The following RYR1 variants were observed in gnomAD, a reference collection of about 807,000 sequenced individuals.
The protein encoded by RYR1 is central core disease of muscle.
RYR1 carries 342 observed loss-of-function variants against 583.5 expected under a neutral mutation model. The observed-to-expected ratio is 0.59, with a 90% CI of 0.54 to 0.64. The LOEUF is 0.64. Ranked by LOEUF, RYR1 falls within the 30% of genes least tolerant of loss-of-function variation. The pLI is 0.00. For synonymous variants in RYR1, 2,791 were observed against 2,822.5 expected (o/e 0.99, Z 0.35); for missense variants, 6,032 against 6,917.2 (o/e 0.87, Z 4.54).
intron 60 of RYR1, among the ~76,000 whole-genome samples, 163 bp from the exon 61 acceptor site, chr19:38,511,398 G>A (rs1970718196): frequency 1.3e-5 from 2 of 151,808 alleles, no homozygotes; most frequent in Non-Finnish European, 2.9e-5. Context: ...CCATCTCTCT[G>A]CCCCTTCCCA....
intron 94 of RYR1, 121 bp downstream of exon 94, chr19:38,570,814 C>T (rs1391737440): frequency 4.6e-6 from 4 of 875,452 alleles, no homozygotes; most frequent in Non-Finnish European, 5.7e-6. Context: ...GGCTTTGGGT[C>T]GTTAGGAGGG....
rs1020398192 is a variant in RYR1 at position 38,502,617 on chromosome 19, C to G, written c.7725C>G (p.Arg2575=). The part of the protein sequence containing the change: ...CAPLFAGTEH[R]AIMVDSMLHT... ...CGCTCTTTGCGGGCACAGAACACCG[C>G]GCCATCATGGTGGACTCTATGCTGC... The change falls in exon 48 of 106, where the codon CGC becomes CGG. Residue 2575 remains arginine (R), a synonymous_variant. Transcript: ENST00000359596. The G allele has an allele frequency of 1.2e-6, 2 of 1,613,122 alleles. No homozygotes were observed. Among genetic ancestry groups the G allele is most frequent in the Non-Finnish European group, 1.7e-6 (2 of 1,179,918 alleles).
chr19:38,557,520 T>A (rs143825366), intron 89 of RYR1, among the ~76,000 whole-genome samples: 1 of 152,244 alleles, frequency 6.6e-6, no homozygotes, highest in East Asian at 1.9e-4. Flanking sequence ...AGATACCATA[T>A]GACTCAGCGA....
chr19:38,539,463 C>T (rs1287136568), intron 84 of RYR1, among the ~76,000 whole-genome samples: 2 of 151,950 alleles, frequency 1.3e-5, no homozygotes, highest in African/African-American at 4.8e-5. Context: ...ATCTCAAACT[C>T]CTGGATTCAA....
At chr19:38,580,335 A>G (rs778132275) in intron 100 of RYR1, 35 bp from the exon 101 acceptor site, 1 of 1,612,504 alleles carries the variant, frequency 6.2e-7, no homozygotes, top group South Asian at 1.1e-5. Context: ...GGGCAAGCCC[A>G]GGGCGGAGCT....
chr19:38,511,299 AAAAT>A (rs1197506813), intron 60 of RYR1, among the ~76,000 whole-genome samples: 1 of 152,040 alleles, frequency 6.6e-6, no homozygotes, highest in Admixed American at 6.5e-5. Context: ...CTGTCTAAAA[AAAAT>A]AAACAAACAA....
Position 38,528,983 on chromosome 19 carries a change from G to A in RYR1, c.11067G>A (p.Glu3689=). Residue 3689 remains glutamate (E), a synonymous_variant, in exon 76 of 106, where the codon GAG becomes GAA. Coordinates refer to ENST00000359596, the MANE Select transcript of RYR1 (RefSeq NM_000540.3). ...GGGAGCAGGAGGAGGAGGAGGAAGAGGTGGAAGAGAAGAAGCCAGACCCCC... is the reference window on the plus strand; with the variant it reads ...GGGAGCAGGAGGAGGAGGAGGAAGAAGTGGAAGAGAAGAAGCCAGACCCCC... ...KAGEQEEEEE[E]VEEKKPDPLH... 1.2e-6 allele frequency: 2 copies of A among 1,612,834 alleles called. No individual in the cohort carries two copies. Among genetic ancestry groups the A allele is most frequent in the East Asian group, 4.5e-5 (2 of 44,848 alleles).
intron 39 of RYR1, among the ~76,000 whole-genome samples, chr19:38,495,824 G>A (rs1031488351): frequency 2.6e-5 from 4 of 151,862 alleles, no homozygotes; most frequent in East Asian, 1.9e-4. Context: ...CCTGGAGTGC[G>A]CAATGTCTGC....
chr19:38,546,390 C>G, intron 87 of RYR1, 55 bp from the exon 88 acceptor site: 1 of 1,493,474 alleles, frequency 6.7e-7, no homozygotes, highest in Non-Finnish European at 9.3e-7. Flanking sequence ...GGAGAAGCAA[C>G]AGAGGTGGGG....
At chr19:38,558,427 C>A (rs978859129) in intron 89 of RYR1, among the ~76,000 whole-genome samples, 2 of 152,202 alleles carry the variant, frequency 1.3e-5, no homozygotes, top group Admixed American at 1.3e-4. Context: ...GTACGTATTG[C>A]ATGCCTATAT....
At position 38,489,269 on chromosome 19, in the gene RYR1, G is replaced by A. The variant is rs146875363; in HGVS notation, c.5640G>A (p.Glu1880=). 3.7e-5 allele frequency: 59 copies of A among 1,610,126 alleles called. No homozygotes were observed. The highest frequency in any genetic ancestry group is 4.7e-5 in the Non-Finnish European group (55 of 1,176,640). The change falls in exon 35 of 106, where the codon GAG becomes GAA. Residue 1880 remains glutamate, a synonymous_variant. Coordinates refer to ENST00000359596, the MANE Select transcript of RYR1 (RefSeq NM_000540.3). ...VFTEEEEEED[E]EEEGEEEDEE... is the part of the protein sequence containing the mutation. ...CTGAGGAAGAAGAGGAGGAGGACGA[G>A]GAGGAAGAGGGTGAAGAGGAAGATG...
intron 31 of RYR1, among the ~76,000 whole-genome samples, chr19:38,479,980 A>G (rs1265372081): frequency 3.3e-5 from 5 of 151,982 alleles, no homozygotes; most frequent in Non-Finnish European, 7.4e-5. Flanking sequence ...TCAGCCTCCC[A>G]AAGTGCTGGG....
At position 38,440,735 on chromosome 19, in the gene RYR1, G is replaced by C; in HGVS notation, c.46-10G>C. On this transcript the variant is annotated splice_polypyrimidine_tract_variant and intron_variant, in intron 1 of 105. Transcript: ENST00000359596. ...GGCCCCCCTGGAGACGCTGCCCCTC[G>C]GTTCCGCAGGACGATGAGGTGGTCC... 1 of 1,604,526 alleles carries C rather than the reference G, an allele frequency of 6.2e-7. No individual in the cohort carries two copies. The highest frequency in any genetic ancestry group is 8.5e-7 in the Non-Finnish European group (1 of 1,174,636).
At position 38,443,572 on chromosome 19, in the gene RYR1, G is replaced by C. The variant is rs1288390722; in HGVS notation, c.285G>C (p.Gly95=). 6.2e-7 allele frequency: 1 copy of C among 1,613,922 alleles called. No homozygotes were observed. Among genetic ancestry groups the C allele is most frequent in the African/African-American group, 1.3e-5 (1 of 74,888 alleles). ...VEAGVESSQG[G]GHRTLLYGHA... Reference sequence around the variant, plus strand: ...TCCCCCTGCAGTCATCCCAGGGCGGGGGACACAGGACGCTCCTGTATGGCC... The same window carrying C: ...TCCCCCTGCAGTCATCCCAGGGCGGCGGACACAGGACGCTCCTGTATGGCC... Residue 95 remains glycine, a synonymous_variant, in exon 4 of 106, where the codon GGG becomes GGC. Transcript: ENST00000359596.
chr19:38,569,444 G>A (rs1338702987), intron 93 of RYR1, among the ~76,000 whole-genome samples: 2 of 151,808 alleles, frequency 1.3e-5, no homozygotes, highest in East Asian at 3.9e-4. Context: ...GGTCCCAGCT[G>A]TTCAGGAGGC....
At chr19:38,474,231 C>T (rs1968592143) in intron 28 of RYR1, among the ~76,000 whole-genome samples, 1 of 152,078 alleles carries the variant, frequency 6.6e-6, no homozygotes, top group Non-Finnish European at 1.5e-5. Context: ...ACTAAATCTG[C>T]TTTTTCCCTA....
intron 13 of RYR1, among the ~76,000 whole-genome samples, chr19:38,454,507 T>C (rs1188437570): frequency 1.3e-5 from 2 of 152,236 alleles, no homozygotes; most frequent in Non-Finnish European, 2.9e-5. Context: ...TGGCTGTGAA[T>C]TTAATGTTAA....
chr19:38,476,609 A>G (rs534391389), intron 29 of RYR1, among the ~76,000 whole-genome samples: 2 of 152,236 alleles, frequency 1.3e-5, no homozygotes, highest in South Asian at 4.1e-4. Flanking sequence ...CTGGGATTAC[A>G]GGTGTGAGCC....
In RYR1 at chr19:38,446,498, C is replaced by T. The variant is rs1220780685; in HGVS notation, c.658C>T (p.Arg220Cys). ...EGFVTGGHVLRLFHGHMDECL... is the reference protein window; with the variant it reads ...EGFVTGGHVLCLFHGHMDECL... ...CTTCGTGACGGGAGGTCACGTCCTCCGCCTCTTTCATGGACATATGGATGA... is the reference window on the plus strand; with the variant it reads ...CTTCGTGACGGGAGGTCACGTCCTCTGCCTCTTTCATGGACATATGGATGA... The change falls in exon 8 of 106, where the codon CGC (arginine) becomes TGC (cysteine). Residue 220 changes from arginine to cysteine, a missense_variant. Physicochemically the swap from Arg to Cys is radical, Grantham distance 180. Around this residue, in one of 11 missense-constraint regions of RYR1, gnomAD observed 338 missense variants for 441.6 expected, o/e 0.77. Coordinates refer to ENST00000359596, the MANE Select transcript of RYR1 (RefSeq NM_000540.3). The T allele has an allele frequency of 5.0e-6, 8 of 1,614,148 alleles. No individual in the cohort carries two copies. In the South Asian group the frequency reaches 6.6e-5, roughly 13 times the overall value.
Sources: gnomAD v4.1 joint callset for allele counts (sites outside exome capture counted in the v4.1 genomes callset) on GRCh38, gnomAD v4.1.1 for gene constraint, gnomAD v4.1.1 regional missense constraint, MANE v1.5 for transcripts, NCBI Gene and HGNC (gene_info 2026-07-23, HGNC 2026-07-21) for gene names.